IPO11: variants seen among roughly 807,000 people sequenced by gnomAD.
IPO11 encodes the protein importin 11.
IPO11 carries 66 observed loss-of-function variants against 143.2 expected under a neutral mutation model. That is an observed-to-expected ratio of 0.46 (90% CI 0.38 to 0.57). The LOEUF (loss-of-function observed/expected upper bound fraction) is 0.57. Ranked by LOEUF, IPO11 falls within the 20% of genes least tolerant of loss-of-function variation. IPO11 has a pLI of 0.00. For synonymous variants in IPO11, 385 were observed against 377.8 expected, an observed-to-expected ratio of 1.02 and a Z score of -0.22; for missense variants, 1,026 against 1,141.0, an observed-to-expected ratio of 0.90 and a Z score of 1.45.
At chr5:62,503,300 C>CAGTATCTACTAATATATTAAT (rs1741408792) in intron 16 of IPO11, among the ~76,000 whole-genome samples, 4 of 142,696 alleles carry the variant, frequency 2.8e-5, no homozygotes. Flanking sequence ...CCATTTTTAT[C>CAGTATCTACTAATATATTAAT]AGTATCTATT....
chr5:62,537,286 C>G lies in IPO11; in HGVS notation c.2247C>G (p.Leu749=), dbSNP rs945862931. ...EITTEGQVQV[L]KVVENALKVN... ...CTACAGAAGGTCAAGTTCAGGTGCT[C>G]AAGGTATTGTGATCATTTTAAATGA... The change falls in exon 24 of 30, where the codon CTC becomes CTG. Residue 749 remains leucine (L), a synonymous_variant. Transcript: ENST00000325324. 2 of 1,572,720 alleles carry G rather than the reference C, an allele frequency of 1.3e-6. No homozygotes were observed. Among genetic ancestry groups the G allele is most frequent in the Non-Finnish European group, 1.7e-6 (2 of 1,144,128 alleles).
chr5:62,449,566 A>G (rs1470101481), intron 3 of IPO11, among the ~76,000 whole-genome samples: 1 of 151,804 alleles, frequency 6.6e-6, no homozygotes, highest in Admixed American at 6.6e-5. Flanking sequence ...AGTGAACATC[A>G]AATATATTAA....
intron 3 of IPO11, among the ~76,000 whole-genome samples, chr5:62,445,783 T>C (rs1744699001): frequency 6.6e-6 from 1 of 152,200 alleles, no homozygotes; most frequent in African/African-American, 2.4e-5. Flanking sequence ...AAATAAATTT[T>C]TGACTTACAA....
intron 19 of IPO11, among the ~76,000 whole-genome samples, chr5:62,509,097 G>T (rs1014676565): frequency 1.3e-5 from 2 of 152,074 alleles, no homozygotes; most frequent in African/African-American, 4.8e-5. Context: ...TTTGAATATT[G>T]TCTTTACTTT....
In IPO11 at chr5:62,575,381, C is replaced by G. The variant is rs1744280337; in HGVS notation, c.2582+14124C>G. 2.6e-5 allele frequency among the ~76,000 whole-genome samples: 4 copies of G among 152,192 alleles called. No individual in the cohort carries two copies. The South Asian group carries it at 8.3e-4, about 31-fold the overall frequency. ...GTGTAAGTTGTATTTGCCATGGTCT[C>G]TTACTCCTCAGTACTTACAGTCTAG... On this transcript the variant is annotated intron_variant, in intron 27 of 29. Transcript: ENST00000325324.
intron 24 of IPO11, among the ~76,000 whole-genome samples, chr5:62,544,878 T>C (rs1024316439): frequency 1.3e-5 from 2 of 152,202 alleles, no homozygotes; most frequent in Non-Finnish European, 1.5e-5. Flanking sequence ...TACCTAGGAA[T>C]CCAACTTACA....
chr5:62,525,589 G>T (rs1742345443), intron 20 of IPO11, among the ~76,000 whole-genome samples: 1 of 152,146 alleles, frequency 6.6e-6, no homozygotes, highest in African/African-American at 2.4e-5. Flanking sequence ...TTGCCATGTT[G>T]CCCAGGCTGG....
At chr5:62,437,521 G>A (rs153857) in intron 2 of IPO11, 104 bp downstream of exon 2, 622,788 of 930,032 alleles carry the variant, frequency 0.67, 210,173 homozygotes, top group African/African-American at 0.78. Context: ...AATAGATTCA[G>A]ATGTTTGGCT....
At position 62,451,947 on chromosome 5, in the gene IPO11, C is replaced by T; in HGVS notation, c.516+14C>T. 6.3e-7 allele frequency: 1 copy of T among 1,599,460 alleles called. No homozygotes were observed. The highest frequency in any genetic ancestry group is 8.6e-7 in the Non-Finnish European group (1 of 1,166,646). ...CTATTTTATGATGTAAGTGATTTCACATAGTTAAATTTGATTATGAAAATT... is the reference window on the plus strand; with the variant it reads ...CTATTTTATGATGTAAGTGATTTCATATAGTTAAATTTGATTATGAAAATT... On this transcript the variant is annotated intron_variant, in intron 5 of 29. Coordinates refer to ENST00000325324, the MANE Select transcript of IPO11 (RefSeq NM_016338.5).
rs562978141 is a variant in IPO11 at position 62,447,382 on chromosome 5, A to G, written c.240-2545A>G. Among the ~76,000 whole-genome samples the G allele has an allele frequency of 4.6e-5, 7 of 152,310 alleles. No individual in the cohort carries two copies. The South Asian group carries it at 1.4e-3, about 32-fold the overall frequency. The stretch of plus-strand genomic sequence containing the variant: ...GGCCTTCCAAAATGCTGGGATTTAC[A>G]GGCGTGAGCCAGTGCCCCCAGCCTA... On this transcript the variant is annotated intron_variant, in intron 3 of 29. Transcript: ENST00000325324.
intron 29 of IPO11, among the ~76,000 whole-genome samples, chr5:62,616,504 C>A (rs543233184): frequency 1.3e-5 from 2 of 151,854 alleles, no homozygotes; most frequent in Non-Finnish European, 2.9e-5. Context: ...GAGGTCGAGG[C>A]GGGTGGATCA....
At chr5:62,455,784 G>A (rs1745125627) in intron 5 of IPO11, among the ~76,000 whole-genome samples, 1 of 151,724 alleles carries the variant, frequency 6.6e-6, no homozygotes, top group African/African-American at 2.4e-5. Flanking sequence ...AGAGAGAGAG[G>A]TGCTGTCTTG....
chr5:62,451,608 G>A (rs904901361), intron 4 of IPO11, 122 bp from the exon 5 acceptor site: 1 of 781,908 alleles, frequency 1.3e-6, no homozygotes, highest in South Asian at 1.7e-5. Context: ...CACTGTTTAA[G>A]CAGTCATTCA....
In IPO11 at chr5:62,491,869, A is replaced by G. The variant is rs528929601; in HGVS notation, c.1463+1649A>G. Among the ~76,000 whole-genome samples, 9 of 151,944 alleles carry G rather than the reference A, an allele frequency of 5.9e-5. No homozygotes were observed. In the South Asian group the frequency reaches 1.0e-3, roughly 18 times the overall value. ...TTTTTTTTAGTAGAGACGAGGTTTCACTGTGTTAGCCAGGATGATCTCGAT... is the reference window on the plus strand; with the variant it reads ...TTTTTTTTAGTAGAGACGAGGTTTCGCTGTGTTAGCCAGGATGATCTCGAT... On this transcript the variant is annotated intron_variant, in intron 15 of 29. Coordinates refer to ENST00000325324, the MANE Select transcript of IPO11 (RefSeq NM_016338.5).
At position 62,487,871 on chromosome 5, in the gene IPO11, A is replaced by G. The variant is rs1353971503; in HGVS notation, c.1309+10A>G. The G allele has an allele frequency of 1.2e-5, 19 of 1,600,470 alleles. No homozygotes were observed. Among genetic ancestry groups the G allele is most frequent in the South Asian group, 2.3e-5 (2 of 87,866 alleles). On this transcript the variant is annotated intron_variant, in intron 13 of 29. Transcript: ENST00000325324. ...ATGCAAACACTTCAAGGTAAGGCAT[A>G]TTTTGTGATTAACTTTGAGTTAATC...
In IPO11 at chr5:62,483,222, T is replaced by C. The variant is rs1246411033; in HGVS notation, c.950T>C (p.Ile317Thr). The C allele has an allele frequency of 6.2e-7, 1 of 1,611,396 alleles. No homozygotes were observed. Among genetic ancestry groups the C allele is most frequent in the Non-Finnish European group, 8.5e-7 (1 of 1,178,538 alleles). Residue 317 changes from isoleucine (I) to threonine (T), a missense_variant, in exon 10 of 30, where the codon ATT becomes ACT. Around this residue, in one of 5 missense-constraint regions of IPO11, gnomAD observed 429 missense variants for 456.3 expected, o/e 0.94. Transcript: ENST00000325324. ...VGEGVTFERF[I>T]VQCMNLIKMI... ...GAAGGCGTTACATTTGAACGATTCATTGTCCAATGTATGAATCTTATTAAG... is the reference window on the plus strand; with the variant it reads ...GAAGGCGTTACATTTGAACGATTCACTGTCCAATGTATGAATCTTATTAAG...
intron 29 of IPO11, among the ~76,000 whole-genome samples, chr5:62,619,277 C>T (rs898627358): frequency 1.9e-4 from 29 of 152,220 alleles, no homozygotes; most frequent in East Asian, 1.9e-4. Flanking sequence ...GCTTGTCTTT[C>T]CACACTTCTT....
At chr5:62,508,000 T>C (rs184648269) in intron 19 of IPO11, among the ~76,000 whole-genome samples, 6 of 152,306 alleles carry the variant, frequency 3.9e-5, no homozygotes, top group African/African-American at 1.4e-4. Flanking sequence ...GTCTGATTCT[T>C]TTTTTTTCTA....
In IPO11 at chr5:62,504,670, C is replaced by A; in HGVS notation, c.1594C>A (p.Arg532Ser). 1 of 1,461,206 alleles carries A rather than the reference C, an allele frequency of 6.8e-7. No homozygotes were observed. The highest frequency in any genetic ancestry group is 9.4e-7 in the Non-Finnish European group (1 of 1,066,362). 90.5% of individuals were successfully genotyped at this position (1,461,206 alleles called of 1,614,324 possible). A position where few individuals can be genotyped will look rare whatever the true frequency, so the allele number is the denominator to read the frequency against. The change falls in exon 17 of 30, where the codon CGT becomes AGT. Residue 532 changes from arginine (R) to serine (S), a missense_variant. Arg to Ser is a moderately radical substitution (Grantham distance 110, BLOSUM62 -1). Coordinates refer to ENST00000325324, the MANE Select transcript of IPO11 (RefSeq NM_016338.5). ...CTAATGATATACTTTCTTTTAGGTC[C>A]GTATTGAAACAGCTACAACTTTGAA... ...NLLQDQDLVVRIETATTLKLT... is the reference protein window; with the variant it reads ...NLLQDQDLVVSIETATTLKLT...
Sources: allele counts gnomAD v4.1 joint callset (sites outside exome capture counted in the v4.1 genomes callset), GRCh38; gene constraint gnomAD v4.1.1; regional missense constraint gnomAD v4.1.1; transcripts MANE v1.5; gene names NCBI Gene and HGNC (gene_info 2026-07-23, HGNC 2026-07-21).